The following ANKRD31 variants were observed in gnomAD, a reference collection of about 807,000 sequenced individuals.
ANKRD31 encodes the protein ankyrin repeat domain-containing protein 31.
Under a neutral mutation model 186.0 loss-of-function variants are expected in ANKRD31, and 147 were observed. The ratio of observed to expected loss-of-function variants is 0.79; its 90% CI spans 0.69 to 0.91. The LOEUF (loss-of-function observed/expected upper bound fraction) is 0.91, where lower values mean the gene tolerates loss of function less well. ANKRD31 is among the 40% of genes least tolerant of loss of function. The probability of loss-of-function intolerance (pLI) is 0.00; values close to 1 mark genes in which losing one functional copy is unlikely to be tolerated. For synonymous variants in ANKRD31, 673 were observed against 736.4 expected (o/e 0.91, Z 1.39); for missense variants, 1,986 against 2,148.8 (o/e 0.92, Z 1.50).
intron 24 of ANKRD31, among the ~76,000 whole-genome samples, chr5:75,082,490 T>C (rs1745158654): frequency 6.6e-6 from 1 of 152,242 alleles, no homozygotes; most frequent in Non-Finnish European, 1.5e-5. Flanking sequence ...ACTGTAGTTA[T>C]GGCTGTTATT....
intron 3 of ANKRD31, among the ~76,000 whole-genome samples, chr5:75,220,326 G>A (rs1757208283): frequency 6.6e-6 from 1 of 152,088 alleles, no homozygotes; most frequent in Admixed American, 6.6e-5. Context: ...AAAATGTACA[G>A]GCAAAAAGCA....
intron 25 of ANKRD31, among the ~76,000 whole-genome samples, chr5:75,071,462 G>T (rs1325267469): frequency 1.3e-5 from 2 of 150,494 alleles, no homozygotes; most frequent in Non-Finnish European, 3.0e-5. Flanking sequence ...CCTAATTCAA[G>T]CACAGTTTAA....
At chr5:75,203,104 A>C (rs549632205) in intron 5 of ANKRD31, among the ~76,000 whole-genome samples, 67 of 152,102 alleles carry the variant, frequency 4.4e-4, no homozygotes, top group Non-Finnish European at 8.8e-4. Flanking sequence ...GCACTACCTC[A>C]CCTGGCCATG....
At chr5:75,093,895 T>C (rs114019542) in intron 22 of ANKRD31, among the ~76,000 whole-genome samples, 582 of 152,158 alleles carry the variant, frequency 3.8e-3, no homozygotes, top group African/African-American at 0.014. Flanking sequence ...TTACAAGAAA[T>C]AATAAAGGAA....
chr5:75,218,017 ACAT>A (rs1757066239), intron 3 of ANKRD31, among the ~76,000 whole-genome samples: 2 of 152,204 alleles, frequency 1.3e-5, no homozygotes, highest in Admixed American at 1.3e-4. Context: ...TAACAACTAA[ACAT>A]ACAACTAGAA....
chr5:75,196,688 G>T (rs186149037), intron 6 of ANKRD31, among the ~76,000 whole-genome samples: 28 of 152,206 alleles, frequency 1.8e-4, no homozygotes, highest in Admixed American at 5.9e-4. Flanking sequence ...GAGGCCAAAG[G>T]ACAAGAGGTC....
chr5:75,114,387 A>G (rs747258327), intron 19 of ANKRD31, among the ~76,000 whole-genome samples: 2 of 152,184 alleles, frequency 1.3e-5, no homozygotes, highest in African/African-American at 4.8e-5. Context: ...CAGCTACTCC[A>G]TAATTCTGTA....
At chr5:75,165,105 T>C (rs565379079) in intron 11 of ANKRD31, among the ~76,000 whole-genome samples, 2 of 152,216 alleles carry the variant, frequency 1.3e-5, no homozygotes, top group Admixed American at 6.5e-5. Flanking sequence ...CAATGTCTTA[T>C]GCTTTCAGAG....
chr5:75,186,460 A>T (rs1404467698), intron 10 of ANKRD31, among the ~76,000 whole-genome samples: 2 of 152,126 alleles, frequency 1.3e-5, no homozygotes, highest in African/African-American at 4.8e-5. Context: ...TTGCTTTGTT[A>T]TTGACTTAAA....
intron 12 of ANKRD31, among the ~76,000 whole-genome samples, chr5:75,151,034 A>G (rs1182638250): frequency 6.6e-6 from 1 of 152,140 alleles, no homozygotes; most frequent in African/African-American, 2.4e-5. Flanking sequence ...TCAATTATCA[A>G]TGAAGTTTTC....
intron 22 of ANKRD31, among the ~76,000 whole-genome samples, chr5:75,099,108 G>A (rs546962469): frequency 3.3e-3 from 506 of 152,196 alleles, no homozygotes; most frequent in African/African-American, 0.012. Context: ...ACATCCCATC[G>A]ATACCTAGTT....
Position 75,195,717 on chromosome 5 carries a change from C to T in ANKRD31, c.931G>A (p.Gly311Ser). 1 of 1,537,488 alleles carries T rather than the reference C, an allele frequency of 6.5e-7. No individual in the cohort carries two copies. Among genetic ancestry groups the T allele is most frequent in the Non-Finnish European group, 8.7e-7 (1 of 1,146,858 alleles). ...VETICHRKEG[G>S]SSLIARNECL... ...TCATTTCTGGCAATGAGACTGCTAC[C>T]TCCCTCTTTTCTGTGACAGATGGTT... The change falls in exon 7 of 26, where the codon GGT (glycine) becomes AGT (serine). Residue 311 changes from glycine to serine, a missense_variant. Transcript: ENST00000506364.
chr5:75,221,400 T>C (rs2150307034), intron 3 of ANKRD31, among the ~76,000 whole-genome samples: 1 of 152,332 alleles, frequency 6.6e-6, no homozygotes, highest in South Asian at 2.1e-4. Flanking sequence ...CTCACACACA[T>C]AAGACAACGG....
In ANKRD31 at chr5:75,195,684, C is replaced by G; in HGVS notation, c.964G>C (p.Glu322Gln). The change falls in exon 7 of 26, where the codon GAA (glutamate) becomes CAA (glutamine). Residue 322 changes from glutamate (E) to glutamine (Q), a missense_variant. Physicochemically the swap from Glu to Gln is conservative, Grantham distance 29. Transcript: ENST00000506364. ...SSLIARNECL[E>Q]VEFNTSQTNE... is the part of the protein sequence containing the mutation. ...GTCTGAGACGTATTGAACTCCACTTCTAAACATTCATTTCTGGCAATGAGA... is the reference window on the plus strand; with the variant it reads ...GTCTGAGACGTATTGAACTCCACTTGTAAACATTCATTTCTGGCAATGAGA... 2 of 1,537,250 alleles carry G rather than the reference C, an allele frequency of 1.3e-6. No individual in the cohort carries two copies. Among genetic ancestry groups the G allele is most frequent in the South Asian group, 2.4e-5 (2 of 83,966 alleles).
intron 11 of ANKRD31, among the ~76,000 whole-genome samples, chr5:75,160,656 AG>A (rs1752511726): frequency 6.6e-6 from 1 of 152,212 alleles, no homozygotes; most frequent in African/African-American, 2.4e-5. Flanking sequence ...AAATGGCAAA[AG>A]AGACCTGGAG....
chr5:75,201,155 T>A (rs1396980486), intron 5 of ANKRD31, among the ~76,000 whole-genome samples: 5 of 152,098 alleles, frequency 3.3e-5, no homozygotes, highest in Admixed American at 2.6e-4. Flanking sequence ...GAGCTTCACA[T>A]CCTAAAAGAT....
chr5:75,234,588 C>T (rs1758145538), intron 1 of ANKRD31, among the ~76,000 whole-genome samples: 1 of 152,214 alleles, frequency 6.6e-6, no homozygotes, highest in African/African-American at 2.4e-5. Context: ...CAAATATAAG[C>T]TTTCTTTCCC....
chr5:75,171,038 A>C (rs1475730229), intron 10 of ANKRD31, among the ~76,000 whole-genome samples: 1 of 152,094 alleles, frequency 6.6e-6, no homozygotes, highest in East Asian at 1.9e-4. Flanking sequence ...ATTTATGAGG[A>C]TTTTAACATC....
chr5:75,163,869 T>C (rs1752743104), intron 11 of ANKRD31, among the ~76,000 whole-genome samples: 1 of 152,210 alleles, frequency 6.6e-6, no homozygotes, highest in Non-Finnish European at 1.5e-5. Flanking sequence ...AAATTTCTCT[T>C]CTTGTTCCAG....
Sources: gnomAD v4.1 joint callset for allele counts (sites outside exome capture counted in the v4.1 genomes callset) on GRCh38, gnomAD v4.1.1 for gene constraint, MANE v1.5 for transcripts, NCBI Gene and HGNC (gene_info 2026-07-23, HGNC 2026-07-21) for gene names.